The following SLC25A14 variants were observed in gnomAD, a reference collection of about 807,000 sequenced individuals.
SLC25A14 encodes the protein brain mitochondrial carrier protein 1.
A neutral mutation model predicts 28.1 loss-of-function variants in SLC25A14; 8 were observed. The ratio of observed to expected loss-of-function variants is 0.28; its 90% CI spans 0.17 to 0.51. The LOEUF (loss-of-function observed/expected upper bound fraction) is 0.51, where lower values mean the gene tolerates loss of function less well. SLC25A14 is among the 20% of genes least tolerant of loss of function. The probability of loss-of-function intolerance (pLI) is 0.97; values close to 1 mark genes in which losing one functional copy is unlikely to be tolerated. For missense variants in SLC25A14, 135 were observed against 263.8 expected (o/e 0.51, Z 3.38); for synonymous variants, 74 against 90.6 (o/e 0.82, Z 1.04).
intron 1 of SLC25A14, 36 bp downstream of exon 1, chrX:130,340,012 C>T: frequency 1.1e-6 from 1 of 944,443 alleles, no homozygotes; most frequent in East Asian, 5.0e-5. Flanking sequence ...GGCTGGGGAG[C>T]GGGGCTGGGC....
chrX:130,349,159 T>G, intron 4 of SLC25A14, 92 bp from the exon 5 acceptor site: 2 of 466,368 alleles, frequency 4.3e-6, no homozygotes, highest in Admixed American at 4.1e-5. Context: ...TGTTGTTGGG[T>G]AGAATGAGAT....
intron 7 of SLC25A14, among the ~76,000 whole-genome samples, chrX:130,361,772 G>A (rs1034907836): frequency 2.7e-5 from 3 of 112,240 alleles, no homozygotes; most frequent in East Asian, 2.8e-4. Context: ...GCTGCCATGC[G>A]TTGATGGTGA....
At chrX:130,342,478 T>C (rs761491013) in intron 2 of SLC25A14, among the ~76,000 whole-genome samples, 16 of 111,965 alleles carry the variant, frequency 1.4e-4, no homozygotes, top group Non-Finnish European at 2.3e-4. Context: ...CTTTAAATAT[T>C]TGAAGGGCTT....
intron 6 of SLC25A14, among the ~76,000 whole-genome samples, chrX:130,351,274 G>C (rs1036808313): frequency 9.0e-6 from 1 of 111,690 alleles, no homozygotes; most frequent in African/African-American, 3.2e-5. Flanking sequence ...ACAGTTCTTG[G>C]AGAAGCCTAT....
intron 8 of SLC25A14, 197 bp downstream of exon 8, chrX:130,364,949 C>A: frequency 1.0e-6 from 1 of 964,327 alleles, no homozygotes. Flanking sequence ...GGCTTGGGTA[C>A]TTGGGAACAT....
At chrX:130,343,818 T>C in intron 2 of SLC25A14, among the ~76,000 whole-genome samples, 1 of 112,277 alleles carries the variant, frequency 8.9e-6, no homozygotes. Flanking sequence ...AAGGTGTTTT[T>C]CATATATTAT....
intron 4 of SLC25A14, among the ~76,000 whole-genome samples, chrX:130,348,792 CCT>C (rs1491523467): frequency 3.5e-4 from 21 of 59,337 alleles, no homozygotes; most frequent in African/African-American, 9.0e-4. Context: ...CCCCCCCCCC[CCT>C]TTTTTTTTTT....
At chrX:130,367,248 A>G (rs751351025) in intron 9 of SLC25A14, among the ~76,000 whole-genome samples, 12 of 112,060 alleles carry the variant, frequency 1.1e-4, no homozygotes, top group Admixed American at 7.6e-4. Flanking sequence ...GAGATATAGA[A>G]GGTGGGACAG....
intron 6 of SLC25A14, among the ~76,000 whole-genome samples, 188 bp downstream of exon 6, chrX:130,350,919 G>A (rs1400094579): frequency 3.6e-5 from 4 of 111,469 alleles, no homozygotes; most frequent in Admixed American, 9.5e-5. Context: ...AAGGATTAGC[G>A]ATAATATATA....
At chrX:130,346,996 T>C (rs949350789) in intron 4 of SLC25A14, among the ~76,000 whole-genome samples, 9 of 111,906 alleles carry the variant, frequency 8.0e-5, no homozygotes, top group Admixed American at 1.9e-4. Context: ...TATATATTTT[T>C]GTGATATCCC....
intron 5 of SLC25A14, 41 bp from the exon 6 acceptor site, chrX:130,350,605 C>A: frequency 1.2e-6 from 1 of 868,494 alleles, no homozygotes; most frequent in Non-Finnish European, 1.6e-6. Context: ...AAACTGGTGC[C>A]TAATACAAGC....
intron 6 of SLC25A14, among the ~76,000 whole-genome samples, chrX:130,354,160 C>G (rs1435792688): frequency 9.4e-6 from 1 of 106,141 alleles, no homozygotes; most frequent in African/African-American, 3.5e-5. Context: ...GTCTCCCAGG[C>G]TGGAGTGCAG....
chrX:130,359,959 T>G (rs2033918315), intron 7 of SLC25A14, among the ~76,000 whole-genome samples: 1 of 111,521 alleles, frequency 9.0e-6, no homozygotes, highest in Admixed American at 9.5e-5. Context: ...ATAATACCAT[T>G]ATCATATCTA....
chrX:130,344,229 C>T (rs367642549), intron 2 of SLC25A14, among the ~76,000 whole-genome samples: 74 of 112,067 alleles, frequency 6.6e-4, no homozygotes, highest in African/African-American at 2.4e-3. Context: ...GCCATACCAC[C>T]AATCAGAAAC....
chrX:130,345,735 C>T (rs963153699), intron 3 of SLC25A14, among the ~76,000 whole-genome samples: 3 of 111,512 alleles, frequency 2.7e-5, no homozygotes, highest in Non-Finnish European at 5.7e-5. Flanking sequence ...TTTAGATTGT[C>T]GTTTTTTTCA....
Position 130,346,572 on chromosome X carries a change from A to T in SLC25A14, c.198A>T (p.Thr66=). The T allele has an allele frequency of 8.3e-7, 1 of 1,208,342 alleles. No homozygotes were observed. The highest frequency in any genetic ancestry group is 1.1e-6 in the Non-Finnish European group (1 of 892,446). The stretch of plus-strand genomic sequence containing the variant: ...CTTTCCCTGTGGACCTTACCAAAAC[A>T]CGACTTCAGGTTCAAGGCCAAAGCA... ...FGTFPVDLTK[T]RLQVQGQSID... Residue 66 remains threonine, a synonymous_variant, in exon 4 of 11, where the codon ACA becomes ACT. Transcript: ENST00000545805.
intron 1 of SLC25A14, 53 bp downstream of exon 1, chrX:130,340,029 A>T (rs2033194147): frequency 1.0e-6 from 1 of 983,968 alleles, no homozygotes; most frequent in Non-Finnish European, 1.3e-6. Flanking sequence ...GGGCCGCGCC[A>T]GGCCGCGCGG....
At chrX:130,361,481 T>A (rs1473680170) in intron 7 of SLC25A14, among the ~76,000 whole-genome samples, 3 of 112,741 alleles carry the variant, frequency 2.7e-5, no homozygotes, top group African/African-American at 9.7e-5. Flanking sequence ...AATACAGGAC[T>A]TACTTTTTCA....
chrX:130,348,186 T>C (rs2033502536), intron 4 of SLC25A14, among the ~76,000 whole-genome samples: 1 of 110,810 alleles, frequency 9.0e-6, no homozygotes, highest in African/African-American at 3.3e-5. Flanking sequence ...GACTTCTTAT[T>C]GTATCCTCAC....
Sources: gnomAD v4.1 joint callset for allele counts (sites outside exome capture counted in the v4.1 genomes callset) on GRCh38, gnomAD v4.1.1 for gene constraint, MANE v1.5 for transcripts, NCBI Gene and HGNC (gene_info 2026-07-23, HGNC 2026-07-21) for gene names.